GNPTAB: variants seen among roughly 807,000 people sequenced by gnomAD.
GNPTAB encodes the protein N-acetylglucosamine-1-phosphate transferase subunits alpha and beta, also known as N-acetylglucosamine-1-phosphotransferase subunits alpha/beta.
GNPTAB carries 92 observed loss-of-function variants against 136.6 expected under a neutral mutation model. That is an observed-to-expected ratio of 0.67 (90% CI 0.57 to 0.80). GNPTAB has a LOEUF of 0.80. Ranked by LOEUF, GNPTAB falls within the 30% of genes least tolerant of loss-of-function variation. The pLI, the probability that GNPTAB is intolerant of heterozygous loss-of-function variation, is 0.00. For synonymous variants in GNPTAB, 512 were observed against 535.1 expected (o/e 0.96, Z 0.60); for missense variants, 1,343 against 1,501.8 (o/e 0.89, Z 1.75).
At chr12:101,805,075 G>A (rs189637113) in intron 1 of GNPTAB, among the ~76,000 whole-genome samples, 2,492 of 145,882 alleles carry the variant, frequency 0.017, 75 homozygotes, top group African/African-American at 0.061. Flanking sequence ...AATATATCAT[G>A]TGAAAAAAAA....
In GNPTAB at chr12:101,764,333, T is replaced by C. The variant is rs571735738; in HGVS notation, c.2584A>G (p.Met862Val). ...ATGTGATTTTCAGCATTTTCCTCCA[T>C]TCTACTGTTCTCTTTTTCTTTCCCT... ...ITGKEKENSR[M>V]EENAENHIGV... Residue 862 changes from methionine to valine, a missense_variant, in exon 13 of 21, where the codon ATG (methionine) becomes GTG (valine). Physicochemically the swap from Met to Val is conservative, Grantham distance 21. Transcript: ENST00000299314. 9 of 1,614,162 alleles carry C rather than the reference T, an allele frequency of 5.6e-6. No homozygotes were observed. The South Asian group carries it at 9.9e-5, about 18-fold the overall frequency.
chr12:101,748,011 C>T (rs1435386097), intron 20 of GNPTAB, among the ~76,000 whole-genome samples: 4 of 144,298 alleles, frequency 2.8e-5, no homozygotes, highest in Non-Finnish European at 6.2e-5. Flanking sequence ...AGTCAGGGCT[C>T]CTTTCCTTCC....
intron 2 of GNPTAB, among the ~76,000 whole-genome samples, chr12:101,791,893 G>A (rs929903924): frequency 6.6e-6 from 1 of 152,168 alleles, no homozygotes; most frequent in Non-Finnish European, 1.5e-5. Flanking sequence ...CTTATTGAGC[G>A]CTTAATATGT....
rs185240980 is a variant in GNPTAB at position 101,780,807 on chromosome 12, T to C, written c.572-186A>G. 1.9e-3 allele frequency among the ~76,000 whole-genome samples: 284 copies of C among 152,346 alleles called. 2 individuals carry two copies. Among genetic ancestry groups the C allele is most frequent in the African/African-American group, 6.3e-3 (261 of 41,578 alleles). ...GGGGAACAATGTAAATCAGTGTACG[T>C]TGAAATGTTAAATTTCACAATACCA... On this transcript the variant is annotated intron_variant, in intron 5 of 20. Transcript: ENST00000299314.
At chr12:101,800,604 C>CAA (rs58129963) in intron 1 of GNPTAB, among the ~76,000 whole-genome samples, 35 of 74,282 alleles carry the variant, frequency 4.7e-4, no homozygotes, top group Non-Finnish European at 6.4e-4. Flanking sequence ...ACTAAAAATA[C>CAA]AAAAAAAAAA....
chr12:101,809,799 G>T (rs1870122380), intron 1 of GNPTAB, among the ~76,000 whole-genome samples: 1 of 152,146 alleles, frequency 6.6e-6, no homozygotes, highest in African/African-American at 2.4e-5. Context: ...CAACTGCAGG[G>T]CAGTGAAACT....
At position 101,790,070 on chromosome 12, in the gene GNPTAB, A is replaced by C. The variant is rs778015263; in HGVS notation, c.204-13T>G. ...GGGCAGACAAAGCCTAGGGCAAACC[A>C]ACAAATCCTCCAGCTTAAATGCATT... is the stretch of plus-strand genomic sequence containing the variant. On this transcript the variant is annotated splice_polypyrimidine_tract_variant and intron_variant, in intron 2 of 20. Coordinates refer to ENST00000299314, the MANE Select transcript of GNPTAB (RefSeq NM_024312.5). 1.2e-6 allele frequency: 2 copies of C among 1,614,198 alleles called. No individual in the cohort carries two copies. The highest frequency in any genetic ancestry group is 4.5e-5 in the East Asian group (2 of 44,890).
In GNPTAB at chr12:101,791,388, T is replaced by C. The variant is rs540848605; in HGVS notation, c.204-1331A>G. On this transcript the variant is annotated intron_variant, in intron 2 of 20. Transcript: ENST00000299314. ...GCAGTGTCCAATCTTTTGGCTTCCC[T>C]GGGCCACAGTGGGAGAAGAATTGTC... is the stretch of plus-strand genomic sequence containing the variant. 2.7e-5 allele frequency among the ~76,000 whole-genome samples: 4 copies of C among 150,426 alleles called. No individual in the cohort carries two copies. The East Asian group carries it at 7.8e-4, about 29-fold the overall frequency.
intron 15 of GNPTAB, 106 bp from the exon 16 acceptor site, chr12:101,760,249 T>A (rs1234282116): frequency 2.7e-6 from 2 of 753,296 alleles, no homozygotes; most frequent in Non-Finnish European, 4.7e-6. Context: ...TTAAATGCTA[T>A]CTTCAAAGAG....
intron 1 of GNPTAB, among the ~76,000 whole-genome samples, chr12:101,806,275 A>G (rs1003397510): frequency 6.6e-6 from 1 of 152,244 alleles, no homozygotes; most frequent in Non-Finnish European, 1.5e-5. Context: ...AAACACAGAC[A>G]AACAAGCCAA....
At chr12:101,790,092 C>T (rs760248227) in intron 2 of GNPTAB, 35 bp from the exon 3 acceptor site, 3 of 1,613,680 alleles carry the variant, frequency 1.9e-6, no homozygotes, top group Admixed American at 1.7e-5. Context: ...AGCTTAAATG[C>T]ATTTTTCCAA....
intron 5 of GNPTAB, 115 bp downstream of exon 5, chr12:101,785,897 T>G: frequency 1.2e-6 from 1 of 857,812 alleles, no homozygotes; most frequent in Non-Finnish European, 1.8e-6. Context: ...CTTTGTGCAT[T>G]TTTAGAAAAG....
chr12:101,761,534 G>C, intron 14 of GNPTAB, 30 bp downstream of exon 14: 1 of 1,599,086 alleles, frequency 6.3e-7, no homozygotes, highest in Non-Finnish European at 8.6e-7. Context: ...CTGAACACAA[G>C]CAAACAACTC....
Position 101,761,324 on chromosome 12 carries a change from T to C in GNPTAB, c.2938A>G (p.Thr980Ala). ...GAATGGCGCACTTTGTGAAATGACG[T>C]CTTGTCAAATTCTTCAGGGAACCTG... ...QDMFPEEFDK[T>A]SFHKVRHSED... Residue 980 changes from threonine to alanine, a missense_variant, in exon 15 of 21, where the codon ACG becomes GCG. Coordinates refer to ENST00000299314, the MANE Select transcript of GNPTAB (RefSeq NM_024312.5). 6.2e-7 allele frequency: 1 copy of C among 1,613,992 alleles called. No homozygotes were observed. Among genetic ancestry groups the C allele is most frequent in the Non-Finnish European group, 8.5e-7 (1 of 1,180,016 alleles).
At chr12:101,784,790 TAGAATG>T (rs1868539482) in intron 5 of GNPTAB, among the ~76,000 whole-genome samples, 1 of 151,936 alleles carries the variant, frequency 6.6e-6, no homozygotes, top group African/African-American at 2.4e-5. Flanking sequence ...ATGACACTGA[TAGAATG>T]GGAGCTAGAG....
chr12:101,817,901 T>C (rs531010918), intron 1 of GNPTAB, among the ~76,000 whole-genome samples: 35 of 152,242 alleles, frequency 2.3e-4, no homozygotes, highest in Non-Finnish European at 4.1e-4. Flanking sequence ...CAATTCATCT[T>C]CCACATTACC....
At chr12:101,751,731 T>C (rs1952821984) in intron 19 of GNPTAB, among the ~76,000 whole-genome samples, 1 of 152,216 alleles carries the variant, frequency 6.6e-6, no homozygotes, top group African/African-American at 2.4e-5. Context: ...GTAAATATCT[T>C]GCCCAGTACA....
intron 2 of GNPTAB, among the ~76,000 whole-genome samples, chr12:101,795,210 C>G (rs1869210189): frequency 6.6e-6 from 1 of 152,144 alleles, no homozygotes; most frequent in Non-Finnish European, 1.5e-5. Flanking sequence ...TTCTCAGAAC[C>G]CCTCTGAAAC....
intron 11 of GNPTAB, among the ~76,000 whole-genome samples, chr12:101,766,600 T>C (rs1183004332): frequency 6.6e-6 from 1 of 152,114 alleles, no homozygotes; most frequent in Non-Finnish European, 1.5e-5. Flanking sequence ...ATTACACCAC[T>C]GCACTCCAGC....
Sources: allele counts gnomAD v4.1 joint callset (sites outside exome capture counted in the v4.1 genomes callset), GRCh38; gene constraint gnomAD v4.1.1; transcripts MANE v1.5; gene names NCBI Gene and HGNC (gene_info 2026-07-23, HGNC 2026-07-21).